Variants in MUC4 observed in about 807,000 individuals in gnomAD.
MUC4 encodes the protein mucin-4.
In MUC4, 202 loss-of-function variants were observed where a neutral mutation model predicts 257.9. That is an observed-to-expected ratio of 0.78 (90% CI 0.70 to 0.88). The LOEUF (loss-of-function observed/expected upper bound fraction) is 0.88. Among genes scored for constraint, MUC4 ranks in the 40% least tolerant of loss-of-function variants. MUC4 has a pLI of 0.00. For synonymous variants in MUC4, 2,351 were observed against 2,757.1 expected (o/e 0.85, Z 4.62); for missense variants, 5,976 against 6,513.7 (o/e 0.92, Z 2.84).
At chr3:195,767,835 C>CCACCACCAT (rs1721726976) in intron 7 of MUC4, among the ~76,000 whole-genome samples, 3 of 114,772 alleles carry the variant, frequency 2.6e-5, no homozygotes, top group Admixed American at 8.2e-5. Context: ...ACCACCATCA[C>CCACCACCAT]CACCACCACC....
Position 195,753,095 on chromosome 3 carries a change from C to T in MUC4, c.15464G>A (p.Arg5155His), listed in dbSNP as rs553364667. The T allele has an allele frequency of 3.5e-5, 57 of 1,610,258 alleles. No individual in the cohort carries two copies. In the South Asian group the frequency reaches 3.7e-4, roughly 11 times the overall value. Residue 5155 changes from arginine (R) to histidine (H), a missense_variant, in exon 20 of 25, where the codon CGC becomes CAC. Coordinates refer to ENST00000463781, the MANE Select transcript of MUC4 (RefSeq NM_018406.7). ...CTCPPAFTDS[R>H]CFLAGNNFSP... ...GAAGTTGTTCCCAGCCAGGAAGCAG[C>T]GGCTGTCAGTGAAGGCTGGGGGGCA...
At chr3:195,760,830 C>A in intron 16 of MUC4, 54 bp downstream of exon 16, 1 of 1,460,216 alleles carries the variant, frequency 6.8e-7, no homozygotes, top group Non-Finnish European at 9.6e-7. Context: ...GCAAGGGCAG[C>A]TCCTCATCTG....
Position 195,746,873 on chromosome 3 carries a change from A to C in MUC4, c.*303T>G. 1 of 464,686 alleles carries C rather than the reference A, an allele frequency of 2.2e-6. No homozygotes were observed. 28.8% of individuals were successfully genotyped at this position (464,686 alleles called of 1,614,324 possible). ...TTTTGCTTAACTTAGGGCCATCACC[A>C]CATTATGAACTCGTGTGTGTGTGTG... On this transcript the variant is annotated 3_prime_UTR_variant, in exon 25 of 25. Transcript: ENST00000463781.
rs147591973 is a variant in MUC4, at chr3:195,796,379, G to T, written c.83-4882C>A. 7.6e-4 allele frequency among the ~76,000 whole-genome samples: 116 copies of T among 152,240 alleles called. 1 individual carries two copies. The highest frequency in any genetic ancestry group is 2.6e-3 in the African/African-American group (108 of 41,550). The stretch of plus-strand genomic sequence containing the variant: ...ATTACAGGCATGAGCCACCTCGCCC[G>T]GCCACTATAAACTATTTTAAATTGA... On this transcript the variant is annotated intron_variant, in intron 1 of 24. Transcript: ENST00000463781.
At position 195,746,885 on chromosome 3, in the gene MUC4, C is replaced by CTT. The variant is rs1390551123; in HGVS notation, c.*290_*291insAA. 84 of 485,532 alleles carry CTT rather than the reference C, an allele frequency of 1.7e-4. No individual in the cohort carries two copies. The highest frequency in any genetic ancestry group is 1.6e-3 in the Middle Eastern group (3 of 1,932). The allele number at this position is 485,532 out of a possible 1,614,324, so 30.1% of individuals were successfully genotyped here. A position where few individuals can be genotyped will look rare whatever the true frequency, so the allele number is the denominator to read the frequency against. ...TAGGGCCATCACCACATTATGAACTCGTGTGTGTGTGTGTGTGTGTGCACG... is the reference window on the plus strand; with the variant it reads ...TAGGGCCATCACCACATTATGAACTCTTGTGTGTGTGTGTGTGTGTGTGCACG... On this transcript the variant is annotated 3_prime_UTR_variant, in exon 25 of 25. Transcript: ENST00000463781.
rs764535191 is a variant in MUC4 at position 195,789,077 on chromosome 3, A to T, written c.2503T>A (p.Ser835Thr). The T allele has an allele frequency of 5.0e-6, 8 of 1,613,356 alleles. No homozygotes were observed. In the East Asian group the frequency reaches 1.6e-4, roughly 31 times the overall value. The change falls in exon 2 of 25, where the codon TCC (serine) becomes ACC (threonine). Residue 835 changes from serine (S) to threonine (T), a missense_variant. Physicochemically the swap from Ser to Thr is moderately conservative, Grantham distance 58. Around this residue, in one of 44 missense-constraint regions of MUC4, gnomAD observed 1,583 missense variants for 1,257.4 expected, o/e 1.26. Coordinates refer to ENST00000463781, the MANE Select transcript of MUC4 (RefSeq NM_018406.7). ...GACTGGGTTGTGTGACTGTCCCTGGAGGGGTTTGATGAAAACCTTGTCGTC... is the reference window on the plus strand; with the variant it reads ...GACTGGGTTGTGTGACTGTCCCTGGTGGGGTTTGATGAAAACCTTGTCGTC... Reference protein sequence around the residue: ...GETTRFSSNPSRDSHTTQSTT... With the variant: ...GETTRFSSNPTRDSHTTQSTT...
Position 195,779,572 on chromosome 3 carries a change from A to G in MUC4, c.12008T>C (p.Val4003Ala). ...VSTGHATPLP[V>A]TSTSSVSTGH... ...TGTAGATACTGAGGAAGTGCTGGTG[A>G]CAGGAAGAGGGGTGGCGTGACCTGT... Residue 4003 changes from valine (V) to alanine (A), a missense_variant, in exon 2 of 25, where the codon GTC becomes GCC. This residue lies in a region of MUC4 where 293 missense variants were observed against 294.5 expected (regional missense o/e 1.00). Coordinates refer to ENST00000463781, the MANE Select transcript of MUC4 (RefSeq NM_018406.7). 7.0e-7 allele frequency: 1 copy of G among 1,431,706 alleles called. No homozygotes were observed. The highest frequency in any genetic ancestry group is 9.3e-7 in the Non-Finnish European group (1 of 1,073,616). The allele number at this position is 1,431,706 out of a possible 1,614,324, so 88.7% of individuals were successfully genotyped here.
chr3:195,767,075 A>T (rs1005207293), intron 7 of MUC4, among the ~76,000 whole-genome samples: 4 of 152,080 alleles, frequency 2.6e-5, no homozygotes, highest in African/African-American at 9.7e-5. Flanking sequence ...CCCTTCAACA[A>T]GCAGAGGGTT....
At chr3:195,751,317 G>T (rs2291650) in intron 21 of MUC4, 46 bp from the exon 22 acceptor site, 287 of 1,430,802 alleles carry the variant, frequency 2.0e-4, no homozygotes, top group Non-Finnish European at 2.6e-4. Context: ...GGCCCCATCC[G>T]GGGGGGAGAC....
intron 1 of MUC4, 133 bp from the exon 2 acceptor site, chr3:195,791,630 T>C: frequency 1.5e-6 from 1 of 661,346 alleles, no homozygotes; most frequent in Non-Finnish European, 2.6e-6. Context: ...CTTCACAGAA[T>C]GAGAACAAAC....
chr3:195,795,562 T>A (rs1734465050), intron 1 of MUC4, among the ~76,000 whole-genome samples: 1 of 151,970 alleles, frequency 6.6e-6, no homozygotes. Context: ...ACTAAGATGG[T>A]GAGTCAATGC....
In MUC4 at chr3:195,771,825, A is replaced by G. The variant is rs201708075; in HGVS notation, c.13078-9T>C. 1.4e-5 allele frequency: 22 copies of G among 1,612,910 alleles called. No homozygotes were observed. Among genetic ancestry groups the G allele is most frequent in the South Asian group, 7.7e-5 (7 of 91,072 alleles). Reference sequence around the variant, plus strand: ...TGGCCATTGTCTGTGAACTGAGCACATGGGTTTTGTGGTCAGCATTCAGGG... The same window carrying G: ...TGGCCATTGTCTGTGAACTGAGCACGTGGGTTTTGTGGTCAGCATTCAGGG... On this transcript the variant is annotated splice_polypyrimidine_tract_variant and intron_variant, in intron 4 of 24. Coordinates refer to ENST00000463781, the MANE Select transcript of MUC4 (RefSeq NM_018406.7).
rs143998469 is a variant in MUC4 at position 195,792,794 on chromosome 3, T to C, written c.83-1297A>G. 1.0e-3 allele frequency among the ~76,000 whole-genome samples: 155 copies of C among 152,334 alleles called. 1 individual carries two copies. The highest frequency in any genetic ancestry group is 3.2e-3 in the African/African-American group (134 of 41,572). On this transcript the variant is annotated intron_variant, in intron 1 of 24. Transcript: ENST00000463781. ...GGTACATATGCAGCACGGAATACTA[T>C]GCAGCCATGAAAAAGGAATGGGATC...
intron 19 of MUC4, chr3:195,753,987 C>G: frequency 1.9e-6 from 1 of 533,858 alleles, no homozygotes; most frequent in Non-Finnish European, 3.1e-6. Flanking sequence ...AACCTCTTCT[C>G]CTTCAGCCCC....
chr3:195,793,219 C>T (rs1734094973), intron 1 of MUC4, among the ~76,000 whole-genome samples: 2 of 151,908 alleles, frequency 1.3e-5, no homozygotes, highest in South Asian at 2.1e-4. Flanking sequence ...GAGATGGGGC[C>T]GGGCATGGTA....
intron 6 of MUC4, 163 bp from the exon 7 acceptor site, chr3:195,769,315 G>T: frequency 9.6e-7 from 1 of 1,045,272 alleles, no homozygotes; most frequent in Non-Finnish European, 1.3e-6. Flanking sequence ...CAAGTTTTGG[G>T]TCAGTGAGGG....
intron 20 of MUC4, 178 bp from the exon 21 acceptor site, chr3:195,752,624 C>T (rs532084741): frequency 3.7e-5 from 23 of 622,466 alleles, no homozygotes; most frequent in Non-Finnish European, 4.9e-5. Flanking sequence ...CTGAAGAAAC[C>T]GGGAGAAGTG....
intron 7 of MUC4, among the ~76,000 whole-genome samples, chr3:195,767,814 T>TCACCACCACCACCACCATCAC (rs751547095): frequency 2.3e-5 from 1 of 42,878 alleles, no homozygotes; most frequent in Non-Finnish European, 4.3e-5. Context: ...ATCACCACCA[T>TCACCACCACCACCACCATCAC]CACCACCACC....
At chr3:195,765,190 G>A (rs1171508132) in intron 9 of MUC4, 68 bp from the exon 10 acceptor site, 116 of 1,587,520 alleles carry the variant, frequency 7.3e-5, no homozygotes, top group Non-Finnish European at 9.2e-5. Context: ...AACAAGCAGG[G>A]GCTGTTTCTG....
Sources: gnomAD v4.1 joint callset for allele counts (sites outside exome capture counted in the v4.1 genomes callset) on GRCh38, gnomAD v4.1.1 for gene constraint, gnomAD v4.1.1 regional missense constraint, MANE v1.5 for transcripts, NCBI Gene and HGNC (gene_info 2026-07-23, HGNC 2026-07-21) for gene names.